TIAM1: variants seen among roughly 807,000 people sequenced by gnomAD.
The protein encoded by TIAM1 is TIAM Rac1 associated GEF 1.
TIAM1 carries 65 observed loss-of-function variants against 163.5 expected under a neutral mutation model. The ratio of observed to expected loss-of-function variants is 0.40; its 90% confidence interval spans 0.33 to 0.49. TIAM1 has a LOEUF of 0.49. Ranked by LOEUF, TIAM1 falls within the 20% of genes least tolerant of loss-of-function variation. The pLI, the probability that TIAM1 is intolerant of heterozygous loss-of-function variation, is 0.77. For missense variants in TIAM1, 1,789 were observed against 2,044.7 expected, an observed-to-expected ratio of 0.87 and a Z score of 2.41; for synonymous variants, 833 against 810.1, an observed-to-expected ratio of 1.03 and a Z score of -0.48.
intron 1 of TIAM1, among the ~76,000 whole-genome samples, chr21:31,557,550 C>T (rs1341044818): frequency 6.6e-6 from 1 of 152,164 alleles, no homozygotes. Flanking sequence ...CGAGCAGGTA[C>T]TGGAACCCGG....
rs753647509 is a variant in TIAM1 at position 31,182,538 on chromosome 21, C to G, written c.2770G>C (p.Val924Leu). ...TCCTCCAGCTCGGGGTAGGTCCTCA[C>G]CAGGAGGCCCAGCGAGGGCTGTGAG... ...FLSQPSLGLL[V>L]RTYPELEEGV... Residue 924 changes from valine to leucine, a missense_variant, in exon 15 of 28, where the codon GTG becomes CTG. Val to Leu is a conservative substitution (Grantham distance 32). Coordinates refer to ENST00000541036, the MANE Select transcript of TIAM1 (RefSeq NM_001353694.2). 2 of 1,613,880 alleles carry G rather than the reference C, an allele frequency of 1.2e-6. No individual in the cohort carries two copies. Among genetic ancestry groups the G allele is most frequent in the Non-Finnish European group, 1.7e-6 (2 of 1,179,942 alleles).
intron 12 of TIAM1, among the ~76,000 whole-genome samples, chr21:31,199,817 A>G (rs892540577): frequency 1.3e-5 from 2 of 151,500 alleles, no homozygotes; most frequent in African/African-American, 4.9e-5. Context: ...GGCGTGAGCC[A>G]CCATGCCTGG....
rs1338115417 is a variant in TIAM1 at position 31,266,805 on chromosome 21, G to A, written c.168C>T (p.Thr56=). Reference sequence around the variant, plus strand: ...GGATGCTGGGGGTGCTGCTGGATCGGGTGCTCACTTCGGAGTTCCTGTGGA... The same window carrying A: ...GGATGCTGGGGGTGCTGCTGGATCGAGTGCTCACTTCGGAGTTCCTGTGGA... ...KVIHRNSEVS[T]RSSSTPSIPQ... is the part of the protein sequence containing the mutation. Residue 56 remains threonine (T), a synonymous_variant, in exon 4 of 28, where the codon ACC becomes ACT. Transcript: ENST00000541036. 7 of 1,614,210 alleles carry A rather than the reference G, an allele frequency of 4.3e-6. No homozygotes were observed. The highest frequency in any genetic ancestry group is 1.7e-5 in the Admixed American group (1 of 60,034).
chr21:31,475,434 CG>C (rs1427144603), intron 1 of TIAM1, among the ~76,000 whole-genome samples: 2 of 152,106 alleles, frequency 1.3e-5, no homozygotes, highest in Non-Finnish European at 2.9e-5. Context: ...TAGGGTTTGG[CG>C]ACTTCCTGGA....
chr21:31,545,958 T>A (rs1000966192), intron 1 of TIAM1, among the ~76,000 whole-genome samples: 1 of 152,170 alleles, frequency 6.6e-6, no homozygotes, highest in African/African-American at 2.4e-5. Flanking sequence ...GTGATTTTTC[T>A]GATTATACAA....
Position 31,477,831 on chromosome 21 carries a change from T to C in TIAM1, c.-421-13796A>G, listed in dbSNP as rs181811047. 3.3e-5 allele frequency among the ~76,000 whole-genome samples: 5 copies of C among 152,306 alleles called. No homozygotes were observed. In the East Asian group the frequency reaches 5.8e-4, roughly 18 times the overall value. On this transcript the variant is annotated intron_variant, in intron 1 of 28. Coordinates refer to the TIAM1 transcript ENST00000286827. ...GAAGGAAGGCAGCATGTTGGTATCATGGCATGATGCTATCCTTGGGAAGCA... is the reference window on the plus strand; with the variant it reads ...GAAGGAAGGCAGCATGTTGGTATCACGGCATGATGCTATCCTTGGGAAGCA...
chr21:31,290,946 A>G (rs560049321), intron 2 of TIAM1, among the ~76,000 whole-genome samples: 1 of 152,326 alleles, frequency 6.6e-6, no homozygotes, highest in Admixed American at 6.5e-5. Context: ...TGGTGATAGC[A>G]CTAGCGCTCA....
chr21:31,382,014 G>C (rs2076787059), intron 2 of TIAM1, among the ~76,000 whole-genome samples: 1 of 152,142 alleles, frequency 6.6e-6, no homozygotes, highest in Non-Finnish European at 1.5e-5. Flanking sequence ...CCAGTTTGTG[G>C]TATTTCACTA....
At chr21:31,124,430 TCACCCC>T in intron 27 of TIAM1, 86 bp downstream of exon 27, 1 of 1,549,434 alleles carries the variant, frequency 6.5e-7, no homozygotes, top group Non-Finnish European at 8.7e-7. Flanking sequence ...AGGCCACACC[TCACCCC>T]CACTCAACAA....
intron 8 of TIAM1, among the ~76,000 whole-genome samples, chr21:31,221,325 T>A (rs1464071657): frequency 6.6e-6 from 1 of 152,180 alleles, no homozygotes; most frequent in African/African-American, 2.4e-5. Context: ...CAGACTTGTA[T>A]CACTGACAAA....
intron 12 of TIAM1, among the ~76,000 whole-genome samples, chr21:31,197,375 TTTTC>T (rs1240373159): frequency 2.7e-3 from 411 of 150,982 alleles, no homozygotes; most frequent in African/African-American, 9.2e-3. Flanking sequence ...TCATTTTCTT[TTTTC>T]TTTTTTTTTT....
chr21:31,491,329 G>A (rs2046462688), intron 1 of TIAM1, among the ~76,000 whole-genome samples: 1 of 152,194 alleles, frequency 6.6e-6, no homozygotes, highest in Non-Finnish European at 1.5e-5. Flanking sequence ...ATGTTTGGTT[G>A]GGTGTTTTGT....
At chr21:31,451,092 G>T (rs2044819757) in intron 2 of TIAM1, among the ~76,000 whole-genome samples, 1 of 151,846 alleles carries the variant, frequency 6.6e-6, no homozygotes, top group Admixed American at 6.6e-5. Context: ...GTTCGCTCTG[G>T]ATGGATATGG....
intron 13 of TIAM1, among the ~76,000 whole-genome samples, chr21:31,192,821 C>T (rs2085631709): frequency 6.6e-6 from 1 of 152,158 alleles, no homozygotes; most frequent in Non-Finnish European, 1.5e-5. Flanking sequence ...TTCCCATCTC[C>T]CCTTCCCCCT....
At chr21:31,207,161 G>C (rs114197322) in intron 11 of TIAM1, among the ~76,000 whole-genome samples, 16 of 152,136 alleles carry the variant, frequency 1.1e-4, no homozygotes, top group Non-Finnish European at 2.2e-4. Flanking sequence ...TAGTTGTAAC[G>C]ATCAGAATAT....
At chr21:31,149,707 G>A (rs896913188) in intron 19 of TIAM1, among the ~76,000 whole-genome samples, 1 of 152,070 alleles carries the variant, frequency 6.6e-6, no homozygotes, top group Non-Finnish European at 1.5e-5. Context: ...ACCAACCCTG[G>A]CCTCCAGAAT....
At chr21:31,142,178 A>T (rs1173604072) in intron 20 of TIAM1, among the ~76,000 whole-genome samples, 1 of 152,100 alleles carries the variant, frequency 6.6e-6, no homozygotes, top group Non-Finnish European at 1.5e-5. Context: ...CCTCTTGGGA[A>T]CTGTGAGTGA....
chr21:31,340,189 C>T (rs2075971855), intron 1 of TIAM1, among the ~76,000 whole-genome samples: 1 of 151,346 alleles, frequency 6.6e-6, no homozygotes, highest in South Asian at 2.1e-4. Context: ...ATACTAGATG[C>T]ATAAATAAAT....
intron 1 of TIAM1, among the ~76,000 whole-genome samples, chr21:31,519,253 CGA>C (rs770240145): frequency 2.9e-5 from 4 of 140,284 alleles, no homozygotes; most frequent in Non-Finnish European, 6.1e-5. Flanking sequence ...TGCGGTGAGC[CGA>C]GATCGCGCCA....
Sources: gnomAD v4.1 joint callset for allele counts (sites outside exome capture counted in the v4.1 genomes callset) on GRCh38, gnomAD v4.1.1 for gene constraint, MANE v1.5 for transcripts, NCBI Gene and HGNC (gene_info 2026-07-23, HGNC 2026-07-21) for gene names.